Variants in PRMT8 observed in about 807,000 individuals in gnomAD.
The protein encoded by PRMT8 is protein arginine methyltransferase 8.
A neutral mutation model predicts 47.1 loss-of-function variants in PRMT8; 7 were observed. The observed-to-expected ratio is 0.15, with a 90% CI of 0.08 to 0.28. The LOEUF (loss-of-function observed/expected upper bound fraction) is 0.28. PRMT8 is among the 10% of genes least tolerant of loss of function. The pLI is 1.00. For missense variants in PRMT8, 237 were observed against 505.4 expected (o/e 0.47, Z 5.09); for synonymous variants, 188 against 186.5 (o/e 1.01, Z -0.07).
At position 3,550,154 on chromosome 12, in the gene PRMT8, C is replaced by T; in HGVS notation, c.417+63C>T. ...AGAGCCAGCCTCTTGCCCTCTGCCT[C>T]CACCCGCCCTTCTAGAAGTACAAAA... On this transcript the variant is annotated intron_variant, in intron 3 of 9. Coordinates refer to ENST00000382622, the MANE Select transcript of PRMT8 (RefSeq NM_019854.5). The surrounding 1 kb of genome is among the most constrained non-coding windows in gnomAD (Gnocchi z 5.1). 6.3e-7 allele frequency: 1 copy of T among 1,588,744 alleles called. No individual in the cohort carries two copies. The highest frequency in any genetic ancestry group is 8.6e-7 in the Non-Finnish European group (1 of 1,162,448).
chr12:3,396,920 T>G lies in PRMT8; in HGVS notation c.48+15478T>G, dbSNP rs577566812. Among the ~76,000 whole-genome samples the G allele has an allele frequency of 3.0e-4, 45 of 152,052 alleles. No homozygotes were observed. The South Asian group carries it at 7.9e-3, about 27-fold the overall frequency. On this transcript the variant is annotated intron_variant, in intron 1 of 9. Transcript: ENST00000452611. The stretch of plus-strand genomic sequence containing the variant: ...GGAGGCTTTGCTCATTTCTTTTTAT[T>G]CTTTTTTCTCTAAACTTCCCTTCTC...
At position 3,520,233 on chromosome 12, in the gene PRMT8, G is replaced by C. The variant is rs565167824; in HGVS notation, c.76-20373G>C. The stretch of plus-strand genomic sequence containing the variant: ...ATACAAACAGTGCATCTCTCGGCCT[G>C]TCGGGAAAACCAACGGTGCCTTCAA... On this transcript the variant is annotated intron_variant, in intron 1 of 9. Coordinates refer to ENST00000382622, the MANE Select transcript of PRMT8 (RefSeq NM_019854.5). Among the ~76,000 whole-genome samples, 4 of 152,352 alleles carry C rather than the reference G, an allele frequency of 2.6e-5. No homozygotes were observed. In the East Asian group the frequency reaches 7.7e-4, roughly 29 times the overall value.
intron 1 of PRMT8, among the ~76,000 whole-genome samples, chr12:3,392,935 T>C (rs1158404147): frequency 6.6e-6 from 1 of 151,798 alleles, no homozygotes; most frequent in Non-Finnish European, 1.5e-5. Flanking sequence ...CTCATTGTGG[T>C]TTTGATTTGC....
At chr12:3,441,829 C>A (rs1297852397) in intron 1 of PRMT8, among the ~76,000 whole-genome samples, 1 of 152,180 alleles carries the variant, frequency 6.6e-6, no homozygotes, top group African/African-American at 2.4e-5. Context: ...ACAAAGAGGA[C>A]CTAAAAATTG....
chr12:3,482,722 C>A (rs1865286268), intron 1 of PRMT8, among the ~76,000 whole-genome samples: 1 of 152,178 alleles, frequency 6.6e-6, no homozygotes, highest in Admixed American at 6.5e-5. Flanking sequence ...AGTTGAACAA[C>A]AGATGCAGTT....
intron 1 of PRMT8, among the ~76,000 whole-genome samples, chr12:3,441,766 A>G (rs892536639): frequency 6.6e-6 from 1 of 152,234 alleles, no homozygotes; most frequent in Admixed American, 6.5e-5. Flanking sequence ...ATATTTAACA[A>G]ATGTTTAGCT....
intron 1 of PRMT8, among the ~76,000 whole-genome samples, chr12:3,443,041 C>G (rs946034190): frequency 1.3e-5 from 2 of 152,142 alleles, no homozygotes; most frequent in African/African-American, 4.8e-5. Context: ...CTAAAGTCCC[C>G]TATAGGTCAT....
At chr12:3,445,900 G>A (rs980109255) in intron 1 of PRMT8, among the ~76,000 whole-genome samples, 2 of 152,142 alleles carry the variant, frequency 1.3e-5, no homozygotes, top group African/African-American at 2.4e-5. Flanking sequence ...GACTACTTAG[G>A]AGAGCCGTCC....
At position 3,583,357 on chromosome 12, in the gene PRMT8, C is replaced by T; in HGVS notation, c.979+149C>T. 1 of 830,990 alleles carries T rather than the reference C, an allele frequency of 1.2e-6. No homozygotes were observed. Among genetic ancestry groups the T allele is most frequent in the South Asian group, 1.9e-5 (1 of 53,510 alleles). The allele number at this position is 830,990 out of a possible 1,614,324, so 51.5% of individuals were successfully genotyped here. Reference sequence around the variant, plus strand: ...TCAACCCTCTCCAGCCATGGAGGAACCATGCATCCCTATATTTGTGCTGTC... The same window carrying T: ...TCAACCCTCTCCAGCCATGGAGGAATCATGCATCCCTATATTTGTGCTGTC... On this transcript the variant is annotated intron_variant, in intron 8 of 9. Coordinates refer to ENST00000382622, the MANE Select transcript of PRMT8 (RefSeq NM_019854.5). This position sits in a 1 kb window ranked among gnomAD's most constrained non-coding sequence, Gnocchi z 4.7.
intron 1 of PRMT8, among the ~76,000 whole-genome samples, chr12:3,537,405 C>G (rs955729817): frequency 1.3e-5 from 2 of 152,232 alleles, no homozygotes; most frequent in Non-Finnish European, 2.9e-5. Flanking sequence ...TGTAAGAGCT[C>G]TCTACGTATT....
At chr12:3,429,717 A>G (rs1411574218) in intron 1 of PRMT8, among the ~76,000 whole-genome samples, 2 of 152,240 alleles carry the variant, frequency 1.3e-5, no homozygotes, top group African/African-American at 4.8e-5. Context: ...CAAGTTTCAG[A>G]TGTCTGGACT....
At chr12:3,418,455 C>T (rs906677116) in intron 1 of PRMT8, among the ~76,000 whole-genome samples, 6 of 152,190 alleles carry the variant, frequency 3.9e-5, no homozygotes, top group African/African-American at 9.7e-5. Flanking sequence ...GCTTCTGCTC[C>T]ACATGGGTGA....
rs748766313 is a variant in PRMT8, at chr12:3,550,111, C to G, written c.417+20C>G. On this transcript the variant is annotated intron_variant, in intron 3 of 9. Transcript: ENST00000382622. This position sits in a 1 kb window ranked among gnomAD's most constrained non-coding sequence, Gnocchi z 5.1. The stretch of plus-strand genomic sequence containing the variant: ...TTTGGGGTGAGCACGCCGCTTCCTC[C>G]TGCATGCTGGCTTCCACAGAGCCAG... The G allele has an allele frequency of 5.6e-6, 9 of 1,611,782 alleles. No individual in the cohort carries two copies. The Admixed American group carries it at 1.5e-4, about 27-fold the overall frequency.
chr12:3,539,653 G>A (rs1257359347), intron 1 of PRMT8, among the ~76,000 whole-genome samples: 1 of 152,114 alleles, frequency 6.6e-6, no homozygotes, highest in East Asian at 1.9e-4. Context: ...GCTGTCTCTG[G>A]GCTCCAGAAG....
At chr12:3,408,364 G>C (rs1449644461) in intron 1 of PRMT8, among the ~76,000 whole-genome samples, 1 of 151,930 alleles carries the variant, frequency 6.6e-6, no homozygotes, top group African/African-American at 2.4e-5. Flanking sequence ...CTCTCAAGTA[G>C]CTAGGACTAC....
upstream of PRMT8, among the ~76,000 whole-genome samples, chr12:3,486,211 C>T (rs371763861): frequency 3.9e-5 from 6 of 152,284 alleles, no homozygotes; most frequent in East Asian, 9.6e-4. Context: ...GCCCTACAGC[C>T]TCCAGGGTCT....
At chr12:3,507,223 G>T (rs1242547151) in intron 1 of PRMT8, among the ~76,000 whole-genome samples, 1 of 148,156 alleles carries the variant, frequency 6.7e-6, no homozygotes, top group Admixed American at 6.9e-5. Context: ...CCGGGTTCAC[G>T]CCATTCTCCT....
chr12:3,587,824 A>G (rs1867213166), intron 8 of PRMT8, among the ~76,000 whole-genome samples: 1 of 152,172 alleles, frequency 6.6e-6, no homozygotes, highest in Non-Finnish European at 1.5e-5. Context: ...CCACTTAGAA[A>G]CACATCCCAT....
chr12:3,407,299 G>C (rs1864382335), intron 1 of PRMT8, among the ~76,000 whole-genome samples: 1 of 152,112 alleles, frequency 6.6e-6, no homozygotes, highest in Non-Finnish European at 1.5e-5. Context: ...GATTTTGGTG[G>C]GGACACAGCC....
Sources: allele counts gnomAD v4.1 joint callset (sites outside exome capture counted in the v4.1 genomes callset), GRCh38; gene constraint gnomAD v4.1.1; non-coding constraint Gnocchi (gnomAD v3.1); transcripts MANE v1.5; gene names NCBI Gene and HGNC (gene_info 2026-07-23, HGNC 2026-07-21).